ALDH4A1: variants seen among roughly 807,000 people sequenced by gnomAD.
ALDH4A1 encodes the protein delta-1-pyrroline-5-carboxylate dehydrogenase, mitochondrial.
A neutral mutation model predicts 70.5 loss-of-function variants in ALDH4A1; 46 were observed. The observed-to-expected ratio is 0.65, with a 90% CI of 0.51 to 0.83. The LOEUF is 0.83. Ranked by LOEUF, ALDH4A1 falls within the 40% of genes least tolerant of loss-of-function variation. The pLI is 0.00. For missense variants in ALDH4A1, 749 were observed against 766.5 expected, an observed-to-expected ratio of 0.98 and a Z score of 0.27; for synonymous variants, 323 against 324.3, an observed-to-expected ratio of 1.00 and a Z score of 0.04.
intron 5 of ALDH4A1, 151 bp from the exon 6 acceptor site, chr1:18,883,579 G>T (rs775140894): frequency 1.8e-6 from 2 of 1,123,652 alleles, no homozygotes; most frequent in South Asian, 1.4e-5. Flanking sequence ...CCATCCCAGG[G>T]GCTGAGGGGG....
rs1322180796 is a variant in ALDH4A1 at position 18,872,893 on chromosome 1, C to T, written c.1644G>A (p.Lys548=). Residue 548 remains lysine (K), a synonymous_variant, in exon 15 of 15, where the codon AAG becomes AAA. Transcript: ENST00000375341. ...ILRWTSPQVI[K]ETHKPLGDWS... ...AGTCCCCCAGGGGCTTATGTGTCTC[C>T]TTGATGACCTGCGGCGACGTCCAGC... 1.2e-6 allele frequency: 2 copies of T among 1,614,128 alleles called. No homozygotes were observed. Among genetic ancestry groups the T allele is most frequent in the Non-Finnish European group, 1.7e-6 (2 of 1,180,022 alleles).
rs183019532 is a variant in ALDH4A1, at chr1:18,900,537, C to T, written c.62+1925G>A. ...GGGTTTTTTTCGTAATTGTCAGGGC[C>T]GGGGGTGCCCCTGACATGCAGCGGG... is the stretch of plus-strand genomic sequence containing the variant. On this transcript the variant is annotated intron_variant, in intron 1 of 14. Coordinates refer to ENST00000375341, the MANE Select transcript of ALDH4A1 (RefSeq NM_003748.4). Among the ~76,000 whole-genome samples the T allele has an allele frequency of 4.9e-4, 74 of 152,212 alleles. No homozygotes were observed. In the South Asian group the frequency reaches 5.4e-3, roughly 11 times the overall value.
chr1:18,890,896 G>C, intron 1 of ALDH4A1: 1 of 985,394 alleles, frequency 1.0e-6, no homozygotes. Flanking sequence ...TGGCACAAAG[G>C]GCTGAGAGCT....
In ALDH4A1 at chr1:18,875,370, C is replaced by G. The variant is rs772842181; in HGVS notation, c.1460+12G>C. On this transcript the variant is annotated intron_variant, in intron 13 of 14. Coordinates refer to ENST00000375341, the MANE Select transcript of ALDH4A1 (RefSeq NM_003748.4). ...CGGAGCACAGCACCAGGGCTGCGGC[C>G]TGGCCACTCACTTATCCTGGGAGAA... 1.9e-6 allele frequency: 3 copies of G among 1,614,096 alleles called. No homozygotes were observed. The Admixed American group carries it at 5.0e-5, about 27-fold the overall frequency.
intron 9 of ALDH4A1, among the ~76,000 whole-genome samples, chr1:18,878,478 G>A (rs1208802674): frequency 6.6e-6 from 1 of 152,062 alleles, no homozygotes; most frequent in Non-Finnish European, 1.5e-5. Flanking sequence ...CTCCCCAGTG[G>A]GCCCCAATTC....
rs766524857 is a variant in ALDH4A1, at chr1:18,883,187, C to A, written c.615G>T (p.Ala205=). ...TVYRGLEGFV[A]AISPFNFTAI... is the part of the protein sequence containing the mutation. ...CAGTGAAGTTAAAGGGCGAGATGGC[C>A]GCCACGAAGCCCTGGGGAAGGAGGC... The change falls in exon 7 of 15, where the codon GCG becomes GCT. Residue 205 remains alanine, a synonymous_variant. Coordinates refer to ENST00000375341, the MANE Select transcript of ALDH4A1 (RefSeq NM_003748.4). 46 of 1,613,060 alleles carry A rather than the reference C, an allele frequency of 2.9e-5. No homozygotes were observed. The highest frequency in any genetic ancestry group is 3.7e-5 in the Non-Finnish European group (44 of 1,180,052).
intron 1 of ALDH4A1, among the ~76,000 whole-genome samples, chr1:18,897,632 G>A (rs1281596475): frequency 1.3e-5 from 2 of 152,248 alleles, no homozygotes; most frequent in Non-Finnish European, 2.9e-5. Flanking sequence ...GTTTACGGAT[G>A]AGGTTCAGAG....
In ALDH4A1 at chr1:18,876,430, C is replaced by G; in HGVS notation, c.1223G>C (p.Arg408Pro). The change falls in exon 12 of 15, where the codon CGC (arginine) becomes CCC (proline). Residue 408 changes from arginine to proline, a missense_variant. Physicochemically the swap from Arg to Pro is moderately radical, Grantham distance 103. Coordinates refer to ENST00000375341, the MANE Select transcript of ALDH4A1 (RefSeq NM_003748.4). Reference protein sequence around the residue: ...ARIKKWLEHARSSPSLTILAG... With the variant: ...ARIKKWLEHAPSSPSLTILAG... ...CAGGATGGTGAGGCTGGGTGAGGAG[C>G]GTGCGTGCTCCAGCCACTTCTTGAT... 2 of 1,607,908 alleles carry G rather than the reference C, an allele frequency of 1.2e-6. No homozygotes were observed. The highest frequency in any genetic ancestry group is 1.7e-6 in the Non-Finnish European group (2 of 1,178,054).
chr1:18,902,423 G>A, intron 1 of ALDH4A1, 39 bp downstream of exon 1: 1 of 1,309,450 alleles, frequency 7.6e-7, no homozygotes, highest in Non-Finnish European at 9.7e-7. Context: ...CGGGCCCCAG[G>A]CGCGCGCTCG....
At position 18,872,894 on chromosome 1, in the gene ALDH4A1, TTGA is replaced by T. The variant is rs759718682; in HGVS notation, c.1640_1642del (p.Ile547del). ...GTCCCCCAGGGGCTTATGTGTCTCC[TTGA>T]TGACCTGCGGCGACGTCCAGCGCAG... On this transcript the variant is annotated inframe_deletion, in exon 15 of 15. Transcript: ENST00000375341. 1 of 1,614,110 alleles carries T rather than the reference TTGA, an allele frequency of 6.2e-7. No individual in the cohort carries two copies. The highest frequency in any genetic ancestry group is 2.2e-5 in the East Asian group (1 of 44,886).
chr1:18,877,694 T>C, intron 9 of ALDH4A1, 82 bp from the exon 10 acceptor site: 1 of 1,504,940 alleles, frequency 6.6e-7, no homozygotes, highest in Non-Finnish European at 9.0e-7. Context: ...ACCTACGCCA[T>C]CCATGGCCCG....
chr1:18,876,712 A>G (rs1934705930), intron 11 of ALDH4A1, among the ~76,000 whole-genome samples: 1 of 98,442 alleles, frequency 1.0e-5, no homozygotes, highest in South Asian at 3.8e-4. Context: ...TTAGTACTAC[A>G]GGTGCACTCG....
At chr1:18,884,072 G>A (rs1456112015) in intron 5 of ALDH4A1, among the ~76,000 whole-genome samples, 1 of 152,182 alleles carries the variant, frequency 6.6e-6, no homozygotes. Context: ...TCACTGGCAG[G>A]TGCACGACCT....
At chr1:18,894,181 C>T (rs186928652) in intron 1 of ALDH4A1, among the ~76,000 whole-genome samples, 3 of 152,310 alleles carry the variant, frequency 2.0e-5, no homozygotes, top group Middle Eastern at 3.4e-3. Context: ...ATCACAGCCT[C>T]GGGGACTGGC....
chr1:18,881,392 C>T (rs1422833355), intron 8 of ALDH4A1, among the ~76,000 whole-genome samples: 2 of 152,198 alleles, frequency 1.3e-5, no homozygotes, highest in Non-Finnish European at 2.9e-5. Context: ...TTTCCAGTAG[C>T]AGAGGTAGCA....
At position 18,877,259 on chromosome 1, in the gene ALDH4A1, G is replaced by A. The variant is rs377590498; in HGVS notation, c.1138-4C>T. On this transcript the variant is annotated splice_region_variant and splice_polypyrimidine_tract_variant and intron_variant, in intron 10 of 14. Transcript: ENST00000375341. ...AGGTCCCAAAATCCTCTGCAGGCTGGAGGCAAGGGAGGCGCCAGAAGAGAC... is the reference window on the plus strand; with the variant it reads ...AGGTCCCAAAATCCTCTGCAGGCTGAAGGCAAGGGAGGCGCCAGAAGAGAC... The A allele has an allele frequency of 1.3e-5, 21 of 1,602,886 alleles. No homozygotes were observed. The highest frequency in any genetic ancestry group is 1.6e-4 in the Middle Eastern group (1 of 6,078).
At chr1:18,891,126 G>A (rs951350268) in intron 1 of ALDH4A1, among the ~76,000 whole-genome samples, 14 of 152,206 alleles carry the variant, frequency 9.2e-5, no homozygotes, top group Admixed American at 6.5e-4. Context: ...AAGCTAGGAC[G>A]CTGGGGTCAG....
Position 18,883,160 on chromosome 1 carries a change from T to C in ALDH4A1, c.642A>G (p.Ala214=), listed in dbSNP as rs1165798858. Residue 214 remains alanine, a synonymous_variant, in exon 7 of 15, where the codon GCA becomes GCG. Coordinates refer to ENST00000375341, the MANE Select transcript of ALDH4A1 (RefSeq NM_003748.4). ...GTGCCCCCGCCAGGTTGCCGCCGAT[T>C]GCAGTGAAGTTAAAGGGCGAGATGG... ...VAAISPFNFT[A]IGGNLAGAPA... 12 of 1,613,176 alleles carry C rather than the reference T, an allele frequency of 7.4e-6. No individual in the cohort carries two copies. The highest frequency in any genetic ancestry group is 9.3e-6 in the Non-Finnish European group (11 of 1,180,044).
intron 1 of ALDH4A1, among the ~76,000 whole-genome samples, chr1:18,892,697 G>C (rs369864162): frequency 1.3e-5 from 2 of 150,348 alleles, no homozygotes; most frequent in South Asian, 4.2e-4. Flanking sequence ...TCCACCCTGA[G>C]CCGGTAGCTC....
Sources: gnomAD v4.1 joint callset for allele counts (sites outside exome capture counted in the v4.1 genomes callset) on GRCh38, gnomAD v4.1.1 for gene constraint, MANE v1.5 for transcripts, NCBI Gene and HGNC (gene_info 2026-07-23, HGNC 2026-07-21) for gene names.